Variants in ICA1 observed in about 807,000 individuals in gnomAD.
The protein encoded by ICA1 is islet cell autoantigen 1.
Under a neutral mutation model 71.0 loss-of-function variants are expected in ICA1, and 40 were observed. That is an observed-to-expected ratio of 0.56 (90% CI 0.44 to 0.73). The LOEUF is 0.73. Ranked by LOEUF, ICA1 falls within the 30% of genes least tolerant of loss-of-function variation. The pLI, the probability that ICA1 is intolerant of heterozygous loss-of-function variation, is 0.00. For synonymous variants in ICA1, 207 were observed against 209.5 expected (o/e 0.99, Z 0.10); for missense variants, 578 against 576.5 (o/e 1.00, Z -0.03).
chr7:8,175,466 T>C (rs780936359), intron 6 of ICA1, among the ~76,000 whole-genome samples: 1 of 152,206 alleles, frequency 6.6e-6, no homozygotes, highest in Non-Finnish European at 1.5e-5. Flanking sequence ...GGAGTTTAAA[T>C]TGAATCATCC....
intron 7 of ICA1, 169 bp from the exon 8 acceptor site, chr7:8,157,383 T>G (rs1211532770): frequency 4.6e-6 from 3 of 658,036 alleles, no homozygotes; most frequent in Non-Finnish European, 7.3e-6. Flanking sequence ...TCAGCCAAAC[T>G]AAATGCCTCC....
At chr7:8,177,319 T>C (rs1246228417) in intron 6 of ICA1, among the ~76,000 whole-genome samples, 1 of 152,214 alleles carries the variant, frequency 6.6e-6, no homozygotes, top group Non-Finnish European at 1.5e-5. Flanking sequence ...TTTGCTCAGC[T>C]GGTGAATTTT....
intron 6 of ICA1, among the ~76,000 whole-genome samples, chr7:8,161,763 G>A (rs1803921555): frequency 6.6e-6 from 1 of 152,170 alleles, no homozygotes. Context: ...GACCCTCCCT[G>A]CCCACAGCTG....
rs1806080560 is a variant in ICA1, at chr7:8,246,502, C to T, written c.-79-10497G>A. On this transcript the variant is annotated intron_variant, in intron 1 of 13. Transcript: ENST00000402384. ...CTGCTGCTGAGGTCAGCACCTTCTT[C>T]TTAGGTGACACTGAGACTACCAACC... Among the ~76,000 whole-genome samples, 3 of 152,180 alleles carry T rather than the reference C, an allele frequency of 2.0e-5. No homozygotes were observed. In the South Asian group the frequency reaches 6.2e-4, roughly 31 times the overall value.
At chr7:8,179,763 TTC>T (rs1781644088) in intron 6 of ICA1, among the ~76,000 whole-genome samples, 1 of 151,990 alleles carries the variant, frequency 6.6e-6, no homozygotes, top group Non-Finnish European at 1.5e-5. Context: ...ACTTTTTTTT[TTC>T]CCACATTTTT....
chr7:8,221,372 C>T lies in ICA1; in HGVS notation c.283G>A (p.Gly95Arg). 6.2e-7 allele frequency: 1 copy of T among 1,613,536 alleles called. No homozygotes were observed. The highest frequency in any genetic ancestry group is 8.5e-7 in the Non-Finnish European group (1 of 1,179,604). ...CFLSQEENELGKFLRSQGFQD... is the reference protein window; with the variant it reads ...CFLSQEENELRKFLRSQGFQD... ...AAACCTTGGGATCGAAGAAATTTTC[C>T]CAGTTCGTTTTCTTCTTGAGACAAG... is the stretch of plus-strand genomic sequence containing the variant. The change falls in exon 5 of 14, where the codon GGA becomes AGA. Residue 95 changes from glycine (G) to arginine (R), a missense_variant. Gly to Arg is a moderately radical substitution (Grantham distance 125). Coordinates refer to ENST00000402384, the MANE Select transcript of ICA1 (RefSeq NM_001136020.3).
At chr7:8,232,800 A>G in intron 2 of ICA1, 45 bp from the exon 3 acceptor site, 1 of 1,444,300 alleles carries the variant, frequency 6.9e-7, no homozygotes, top group Non-Finnish European at 9.2e-7. Context: ...TTTCATAAAG[A>G]TTAAGATATT....
At chr7:8,217,953 C>A (rs1795903082) in intron 6 of ICA1, among the ~76,000 whole-genome samples, 1 of 152,150 alleles carries the variant, frequency 6.6e-6, no homozygotes, top group Non-Finnish European at 1.5e-5. Flanking sequence ...AAGATTTCCC[C>A]AGTAGTCTGT....
intron 12 of ICA1, among the ~76,000 whole-genome samples, chr7:8,129,503 G>C (rs1450699925): frequency 6.6e-6 from 1 of 152,084 alleles, no homozygotes; most frequent in African/African-American, 2.4e-5. Flanking sequence ...GGGAGGGGAA[G>C]AATCTAGTCA....
rs193080084 is a variant in ICA1, at chr7:8,130,964, G to A, written c.1061-2822C>T. ...CATGTGATCCTGGTGAGATGCCTCT[G>A]GAAATGACTCCTTACCCTCCACCCC... On this transcript the variant is annotated intron_variant, in intron 12 of 13. Coordinates refer to ENST00000402384, the MANE Select transcript of ICA1 (RefSeq NM_001136020.3). This position sits in a 1 kb window ranked among gnomAD's most constrained non-coding sequence, Gnocchi z 4.2. Among the ~76,000 whole-genome samples the A allele has an allele frequency of 1.3e-5, 2 of 152,248 alleles. No homozygotes were observed. Among genetic ancestry groups the A allele is most frequent in the East Asian group, 3.9e-4 (2 of 5,188 alleles).
chr7:8,231,168 G>A (rs2128458636), intron 3 of ICA1, among the ~76,000 whole-genome samples: 1 of 152,278 alleles, frequency 6.6e-6, no homozygotes, highest in Middle Eastern at 3.4e-3. Context: ...AAGGGAAGAT[G>A]TGGGGAAACA....
At position 8,138,747 on chromosome 7, in the gene ICA1, A is replaced by G. The variant is rs576831071; in HGVS notation, c.1060+93T>C. 2.1e-5 allele frequency: 23 copies of G among 1,073,010 alleles called. No homozygotes were observed. The East Asian group carries it at 3.3e-4, about 15-fold the overall frequency. The allele number at this position is 1,073,010 out of a possible 1,614,324, so 66.5% of individuals were successfully genotyped here. A position where few individuals can be genotyped will look rare whatever the true frequency, so the allele number is the denominator to read the frequency against. ...AAACTTTCCTTTGGAATGCAAAGCT[A>G]TTAAAAAGATTAAGATTACACTTTC... is the stretch of plus-strand genomic sequence containing the variant. On this transcript the variant is annotated intron_variant, in intron 12 of 13. Coordinates refer to ENST00000402384, the MANE Select transcript of ICA1 (RefSeq NM_001136020.3).
chr7:8,228,740 T>C, intron 3 of ICA1, 67 bp from the exon 4 acceptor site: 2 of 1,073,758 alleles, frequency 1.9e-6, no homozygotes, highest in Non-Finnish European at 2.8e-6. Context: ...ATAATTACAT[T>C]GAACACAACC....
chr7:8,163,119 C>T (rs888071985), intron 6 of ICA1, among the ~76,000 whole-genome samples: 6 of 152,178 alleles, frequency 3.9e-5, no homozygotes, highest in Admixed American at 6.5e-5. Flanking sequence ...CCTCAGGCCA[C>T]AGCAATTCAG....
At chr7:8,125,312 C>T (rs111745592) in intron 13 of ICA1, among the ~76,000 whole-genome samples, 3,102 of 152,284 alleles carry the variant, frequency 0.02, 77 homozygotes, top group African/African-American at 0.069. Flanking sequence ...TCTGAGCATC[C>T]CTCCCCCTTG....
At chr7:8,186,122 CT>C (rs1217381737) in intron 6 of ICA1, among the ~76,000 whole-genome samples, 1 of 152,122 alleles carries the variant, frequency 6.6e-6, no homozygotes, top group Non-Finnish European at 1.5e-5. Flanking sequence ...AAAGGGGAAG[CT>C]TGTGGATAGG....
At chr7:8,198,386 A>G (rs1788422779) in intron 6 of ICA1, among the ~76,000 whole-genome samples, 1 of 152,238 alleles carries the variant, frequency 6.6e-6, no homozygotes, top group East Asian at 1.9e-4. Context: ...TGAGGCTGAA[A>G]ATAGTGTGAA....
upstream of ICA1, chr7:8,262,285 G>GCGCAT (rs1361727903): frequency 4.6e-5 from 7 of 152,004 alleles, no homozygotes; most frequent in Non-Finnish European, 8.8e-5. Flanking sequence ...GCGCAGCGCA[G>GCGCAT]CGGCCGGGGG....
In ICA1 at chr7:8,114,023, T is replaced by G; in HGVS notation, c.1352A>C (p.Asp451Ala). The G allele has an allele frequency of 6.2e-7, 1 of 1,614,088 alleles. No homozygotes were observed. Among genetic ancestry groups the G allele is most frequent in the South Asian group, 1.1e-5 (1 of 91,074 alleles). ...GAAGAGGCTGAACCAGGCAGTCAGG[T>G]CTGAGGCAGCCTTAGCAGGTTCTGG... ...SLQEPAKAAS[D>A]LTAWFSLFAD... is the part of the protein sequence containing the mutation. Residue 451 changes from aspartate (D) to alanine (A), a missense_variant, in exon 14 of 14, where the codon GAC becomes GCC. Transcript: ENST00000402384.
Sources: gnomAD v4.1 joint callset for allele counts (sites outside exome capture counted in the v4.1 genomes callset) on GRCh38, gnomAD v4.1.1 for gene constraint, Gnocchi (gnomAD v3.1) non-coding constraint, MANE v1.5 for transcripts, NCBI Gene and HGNC (gene_info 2026-07-23, HGNC 2026-07-21) for gene names.